SH3RF3: variants seen among roughly 807,000 people sequenced by gnomAD.
SH3RF3 encodes SH3 domain containing ring finger 3.
In SH3RF3, 29 loss-of-function variants were observed where a neutral mutation model predicts 66.3. The observed-to-expected ratio is 0.44, with a 90% CI of 0.33 to 0.60. The LOEUF (loss-of-function observed/expected upper bound fraction) is 0.60. SH3RF3 is among the 20% of genes least tolerant of loss of function. The pLI is 0.04. For missense variants in SH3RF3, 1,194 were observed against 1,190.9 expected (o/e 1.00, Z -0.04); for synonymous variants, 583 against 532.0 (o/e 1.10, Z -1.32).
intron 1 of SH3RF3, among the ~76,000 whole-genome samples, chr2:109,167,756 A>G (rs1023319313): frequency 2.0e-5 from 3 of 152,068 alleles, no homozygotes; most frequent in Non-Finnish European, 4.4e-5. Flanking sequence ...TATTTTTAGT[A>G]GAGGTGGGAT....
At chr2:109,404,584 CTCCCAGAGGCTGCCACGGGCACA>C (rs1176734017) in intron 4 of SH3RF3, among the ~76,000 whole-genome samples, 1 of 152,122 alleles carries the variant, frequency 6.6e-6, no homozygotes, top group East Asian at 1.9e-4. Context: ...CACTGGGCAC[CTCCCAGAGGCTGCCACGGGCACA>C]CAGGGCCTGG....
intron 1 of SH3RF3, among the ~76,000 whole-genome samples, chr2:109,216,052 A>G (rs933395778): frequency 1.3e-4 from 20 of 152,160 alleles, no homozygotes; most frequent in African/African-American, 4.8e-4. Context: ...AGGAACAGGT[A>G]AGACAGCCAA....
intron 5 of SH3RF3, among the ~76,000 whole-genome samples, chr2:109,423,006 C>T (rs1369158085): frequency 6.6e-6 from 1 of 152,172 alleles, no homozygotes; most frequent in African/African-American, 2.4e-5. Flanking sequence ...CAACGGAACT[C>T]TTGGCACAGA....
At chr2:109,183,748 G>A (rs1678122564) in intron 1 of SH3RF3, among the ~76,000 whole-genome samples, 1 of 152,216 alleles carries the variant, frequency 6.6e-6, no homozygotes, top group South Asian at 2.1e-4. Context: ...CCTCCCAGCA[G>A]CTCGGTCAGG....
intron 8 of SH3RF3, among the ~76,000 whole-genome samples, chr2:109,449,862 C>T (rs1386622569): frequency 6.6e-6 from 1 of 152,170 alleles, no homozygotes; most frequent in East Asian, 1.9e-4. Context: ...AATAAATATA[C>T]AAATCTACGT....
At chr2:109,460,771 C>T (rs1289578654) in intron 8 of SH3RF3, among the ~76,000 whole-genome samples, 6 of 152,364 alleles carry the variant, frequency 3.9e-5, no homozygotes, top group East Asian at 1.9e-4. Flanking sequence ...GCCAAATCAT[C>T]GGCCACAGCC....
At chr2:109,225,772 G>A (rs764722827) in intron 1 of SH3RF3, among the ~76,000 whole-genome samples, 11 of 152,134 alleles carry the variant, frequency 7.2e-5, no homozygotes, top group African/African-American at 1.2e-4. Flanking sequence ...GCTTTCTTTC[G>A]TTCTTAAAAT....
chr2:109,498,248 G>A (rs998844686), intron 9 of SH3RF3, among the ~76,000 whole-genome samples: 3 of 152,206 alleles, frequency 2.0e-5, no homozygotes, highest in Admixed American at 6.5e-5. Context: ...TAGATGCTCT[G>A]AGACACTTAG....
intron 1 of SH3RF3, among the ~76,000 whole-genome samples, chr2:109,226,902 G>T (rs1283579799): frequency 6.6e-6 from 1 of 152,170 alleles, no homozygotes; most frequent in African/African-American, 2.4e-5. Context: ...AAGCCGTGTG[G>T]TGGCCCAGAT....
chr2:109,423,546 C>T lies in SH3RF3; in HGVS notation c.1403+3904C>T, dbSNP rs115661702. 5.3e-3 allele frequency among the ~76,000 whole-genome samples: 800 copies of T among 152,328 alleles called. 12 individuals are homozygous for T. The highest frequency in any genetic ancestry group is 0.018 in the African/African-American group (758 of 41,570). On this transcript the variant is annotated intron_variant, in intron 5 of 9. Transcript: ENST00000309415. The stretch of plus-strand genomic sequence containing the variant: ...AAATTCACAGAACAGGCTGGTGCTG[C>T]ACTCAGCCTGCAATGAACTGGATCA...
chr2:109,260,206 T>C (rs1293570621), intron 1 of SH3RF3, among the ~76,000 whole-genome samples: 2 of 152,102 alleles, frequency 1.3e-5, no homozygotes, highest in Non-Finnish European at 2.9e-5. Context: ...GCACTACTGA[T>C]GGTTGGCAGC....
At chr2:109,195,091 A>G (rs567404475) in intron 1 of SH3RF3, among the ~76,000 whole-genome samples, 4 of 152,350 alleles carry the variant, frequency 2.6e-5, no homozygotes, top group African/African-American at 9.6e-5. Flanking sequence ...GACTGAAAAG[A>G]AGAGCATTTT....
chr2:109,249,485 C>CTT (rs1233869497), intron 1 of SH3RF3, among the ~76,000 whole-genome samples: 2 of 20,726 alleles, frequency 9.6e-5, no homozygotes, highest in Admixed American at 6.8e-4. Flanking sequence ...TTCTTTCTTT[C>CTT]TTTCTTTCTT....
chr2:109,335,526 G>A (rs956565512), intron 1 of SH3RF3, among the ~76,000 whole-genome samples: 6 of 152,122 alleles, frequency 3.9e-5, no homozygotes, highest in South Asian at 4.1e-4. Context: ...CGATGATGAC[G>A]TTCTAAGATT....
intron 1 of SH3RF3, among the ~76,000 whole-genome samples, chr2:109,139,804 T>G (rs2104826141): frequency 6.6e-6 from 1 of 152,346 alleles, no homozygotes; most frequent in South Asian, 2.1e-4. Flanking sequence ...GTTTTTGAGC[T>G]TTTCAATCAC....
intron 1 of SH3RF3, among the ~76,000 whole-genome samples, chr2:109,305,755 T>G (rs1681577729): frequency 6.6e-6 from 1 of 152,226 alleles, no homozygotes; most frequent in South Asian, 2.1e-4. Flanking sequence ...CAGTGTTCTC[T>G]GCGGTTCCCT....
chr2:109,478,750 C>T (rs539979039), intron 8 of SH3RF3, among the ~76,000 whole-genome samples: 21 of 152,222 alleles, frequency 1.4e-4, no homozygotes, highest in South Asian at 4.1e-4. Context: ...AGAGGCCATG[C>T]GACGGGCTTA....
intron 1 of SH3RF3, among the ~76,000 whole-genome samples, chr2:109,344,894 C>G (rs924513911): frequency 6.6e-6 from 1 of 152,140 alleles, no homozygotes; most frequent in Non-Finnish European, 1.5e-5. Context: ...GGGTTCACAT[C>G]AAGTCCCATG....
intron 1 of SH3RF3, among the ~76,000 whole-genome samples, chr2:109,187,998 G>T (rs1678240070): frequency 6.6e-6 from 1 of 152,218 alleles, no homozygotes; most frequent in South Asian, 2.1e-4. Context: ...CACAGCGGGG[G>T]TTGCCTCTGC....
Sources: allele counts gnomAD v4.1 joint callset (sites outside exome capture counted in the v4.1 genomes callset), GRCh38; gene constraint gnomAD v4.1.1; transcripts MANE v1.5; gene names NCBI Gene and HGNC (gene_info 2026-07-23, HGNC 2026-07-21).